Variants in CGNL1 observed in about 807,000 individuals in gnomAD.
The protein encoded by CGNL1 is cingulin-like protein 1.
In CGNL1, 132 loss-of-function variants were observed where a neutral mutation model predicts 141.2. The ratio of observed to expected loss-of-function variants is 0.93; its 90% CI spans 0.81 to 1.08. CGNL1 has a LOEUF of 1.08. Among genes scored for constraint, CGNL1 ranks in the 50% least tolerant of loss-of-function variants. The pLI, the probability that CGNL1 is intolerant of heterozygous loss-of-function variation, is 0.00. For synonymous variants in CGNL1, 690 were observed against 622.1 expected, an observed-to-expected ratio of 1.11 and a Z score of -1.63; for missense variants, 1,870 against 1,588.6, an observed-to-expected ratio of 1.18 and a Z score of -3.01.
chr15:57,450,272 G>A (rs55928694), intron 4 of CGNL1, among the ~76,000 whole-genome samples: 33,880 of 151,948 alleles, frequency 0.22, 3,855 homozygotes, highest in Middle Eastern at 0.26. Context: ...TTGGTATCTC[G>A]TTGGTTTGTC....
At position 57,445,791 on chromosome 15, in the gene CGNL1, G is replaced by A. The variant is rs74016203; in HGVS notation, c.1803+3313G>A. On this transcript the variant is annotated intron_variant, in intron 4 of 18. Transcript: ENST00000281282. ...TTTTATTTCTTCCCCTCAGCTATTT[G>A]TAGTTTTCTAACCACTTTACTGTAG... is the stretch of plus-strand genomic sequence containing the variant. 3.2e-3 allele frequency among the ~76,000 whole-genome samples: 487 copies of A among 152,100 alleles called. 3 individuals carry two copies. Among genetic ancestry groups the A allele is most frequent in the African/African-American group, 0.011 (466 of 41,488 alleles).
chr15:57,547,614 G>A lies in CGNL1; in HGVS notation c.*124G>A, dbSNP rs995682429. The A allele has an allele frequency of 5.9e-5, 65 of 1,108,904 alleles. No homozygotes were observed. In the African/African-American group the frequency reaches 7.9e-4, roughly 13 times the overall value. 68.7% of individuals were successfully genotyped at this position (1,108,904 alleles called of 1,614,324 possible). A position where few individuals can be genotyped will look rare whatever the true frequency, so the allele number is the denominator to read the frequency against. ...CAATCACAGCCTCTTTGCACAGCAT[G>A]CCAGCTCCTCAGTGTTACATTCCTC... On this transcript the variant is annotated 3_prime_UTR_variant, in exon 19 of 19. Coordinates refer to ENST00000281282, the MANE Select transcript of CGNL1 (RefSeq NM_032866.5).
intron 1 of CGNL1, among the ~76,000 whole-genome samples, chr15:57,417,010 A>G (rs1377534411): frequency 6.6e-6 from 1 of 152,064 alleles, no homozygotes; most frequent in Non-Finnish European, 1.5e-5. Context: ...TATCTGGGTG[A>G]CCCTGGGCAA....
chr15:57,524,022 T>A (rs2031446771), intron 11 of CGNL1, among the ~76,000 whole-genome samples: 1 of 152,190 alleles, frequency 6.6e-6, no homozygotes, highest in Admixed American at 6.5e-5. Flanking sequence ...CAGTAGCTGC[T>A]GCTCTTTCTC....
intron 7 of CGNL1, among the ~76,000 whole-genome samples, chr15:57,458,120 G>A (rs2063401680): frequency 1.3e-5 from 2 of 152,154 alleles, no homozygotes; most frequent in Admixed American, 6.5e-5. Context: ...TGTTAGAAAT[G>A]CTCAGCACAG....
intron 3 of CGNL1, 117 bp from the exon 4 acceptor site, chr15:57,442,256 C>A: frequency 1.0e-5 from 4 of 385,716 alleles, no homozygotes; most frequent in Non-Finnish European, 1.4e-5. Flanking sequence ...TTAATTAATT[C>A]ACAGCTCCTG....
At chr15:57,462,692 C>G (rs769940002) in intron 8 of CGNL1, among the ~76,000 whole-genome samples, 5 of 152,284 alleles carry the variant, frequency 3.3e-5, no homozygotes, top group East Asian at 1.9e-4. Context: ...TTAGTAGGCC[C>G]TCTCTCCCCT....
intron 8 of CGNL1, among the ~76,000 whole-genome samples, chr15:57,492,007 T>C (rs1386694744): frequency 1.3e-5 from 2 of 152,194 alleles, no homozygotes; most frequent in Non-Finnish European, 2.9e-5. Flanking sequence ...TGTGGTATCC[T>C]GAATGGGATC....
intron 8 of CGNL1, among the ~76,000 whole-genome samples, chr15:57,481,779 A>G (rs564040476): frequency 2.1e-4 from 32 of 152,306 alleles, no homozygotes; most frequent in African/African-American, 7.5e-4. Flanking sequence ...ATAAATATCT[A>G]GGAGTGCAAT....
Position 57,393,360 on chromosome 15 carries a change from T to C in CGNL1, c.-16+16793T>C, listed in dbSNP as rs2062563999. On this transcript the variant is annotated intron_variant, in intron 1 of 18. Coordinates refer to ENST00000281282, the MANE Select transcript of CGNL1 (RefSeq NM_032866.5). ...ATGAAAAGCTTTCAGTGTTCACAAT[T>C]GGAGGAAAATGTAAAAGCTTAGTAG... Among the ~76,000 whole-genome samples the C allele has an allele frequency of 2.0e-5, 3 of 152,308 alleles. No individual in the cohort carries two copies. In the South Asian group the frequency reaches 6.2e-4, roughly 32 times the overall value.
Position 57,439,053 on chromosome 15 carries a change from G to A in CGNL1, c.1054G>A (p.Gly352Ser), listed in dbSNP as rs931001907. 2 of 1,614,160 alleles carry A rather than the reference G, an allele frequency of 1.2e-6. No individual in the cohort carries two copies. The highest frequency in any genetic ancestry group is 1.7e-5 in the Admixed American group (1 of 60,026). Residue 352 changes from glycine (G) to serine (S), a missense_variant, in exon 2 of 19, where the codon GGT (glycine) becomes AGT (serine). Coordinates refer to ENST00000281282, the MANE Select transcript of CGNL1 (RefSeq NM_032866.5). ...GGATATTGATACAGGATCAATTCCT[G>A]GTGTGGATCAGTTAATTGAAAAATT... ...GRDIDTGSIPGVDQLIEKFDQ... is the reference protein window; with the variant it reads ...GRDIDTGSIPSVDQLIEKFDQ...
intron 12 of CGNL1, 49 bp from the exon 13 acceptor site, chr15:57,528,605 A>C: frequency 1.2e-6 from 2 of 1,600,136 alleles, no homozygotes; most frequent in Non-Finnish European, 1.7e-6. Context: ...GGAGGTCTCT[A>C]TGCTCTTGAT....
intron 8 of CGNL1, among the ~76,000 whole-genome samples, chr15:57,479,670 C>G (rs2063701260): frequency 6.6e-6 from 1 of 151,766 alleles, no homozygotes; most frequent in South Asian, 2.1e-4. Flanking sequence ...TCTCAAGAAA[C>G]AAAAAACAAA....
chr15:57,547,527 G>A lies in CGNL1; in HGVS notation c.*37G>A, dbSNP rs754179148. The A allele has an allele frequency of 1.3e-6, 2 of 1,597,858 alleles. No individual in the cohort carries two copies. Among genetic ancestry groups the A allele is most frequent in the African/African-American group, 1.3e-5 (1 of 74,470 alleles). ...GGCTGTGGAAGTACCTGTCATTCCT[G>A]CAGGAGCTGCAGCCACCCAAAGTGG... On this transcript the variant is annotated 3_prime_UTR_variant, in exon 19 of 19. Coordinates refer to ENST00000281282, the MANE Select transcript of CGNL1 (RefSeq NM_032866.5).
At chr15:57,400,887 TA>T (rs35735890) in intron 1 of CGNL1, among the ~76,000 whole-genome samples, 36,297 of 78,176 alleles carry the variant, frequency 0.46, 5,843 homozygotes, top group East Asian at 0.6. Flanking sequence ...TGTCTCAAAT[TA>T]AAAAAAAAAA....
intron 1 of CGNL1, among the ~76,000 whole-genome samples, chr15:57,435,161 G>A (rs2063090515): frequency 6.6e-6 from 1 of 152,074 alleles, no homozygotes; most frequent in Non-Finnish European, 1.5e-5. Context: ...CGCTAGAAAA[G>A]TAAAAATTTT....
intron 1 of CGNL1, among the ~76,000 whole-genome samples, chr15:57,414,188 T>C (rs1252831621): frequency 1.3e-5 from 2 of 152,278 alleles, no homozygotes; most frequent in Admixed American, 6.5e-5. Flanking sequence ...GCAGGTTCCC[T>C]TTGCTAAGGG....
chr15:57,470,790 T>C (rs532988789), intron 8 of CGNL1, among the ~76,000 whole-genome samples: 2 of 152,248 alleles, frequency 1.3e-5, no homozygotes, highest in South Asian at 2.1e-4. Flanking sequence ...GACAAAGTTA[T>C]GGTTGCTGTG....
Position 57,424,062 on chromosome 15 carries a change from T to C in CGNL1, c.-15-13923T>C, listed in dbSNP as rs2062946814. 3.3e-5 allele frequency among the ~76,000 whole-genome samples: 5 copies of C among 152,306 alleles called. No individual in the cohort carries two copies. In the South Asian group the frequency reaches 6.2e-4, roughly 19 times the overall value. On this transcript the variant is annotated intron_variant, in intron 1 of 18. Coordinates refer to ENST00000281282, the MANE Select transcript of CGNL1 (RefSeq NM_032866.5). The stretch of plus-strand genomic sequence containing the variant: ...CCACTTGGGTCAAAACCCAGAGTTA[T>C]ATTCAGGCCCACGACACCCTGTGGG...
Sources: gnomAD v4.1 joint callset for allele counts (sites outside exome capture counted in the v4.1 genomes callset) on GRCh38, gnomAD v4.1.1 for gene constraint, MANE v1.5 for transcripts, NCBI Gene and HGNC (gene_info 2026-07-23, HGNC 2026-07-21) for gene names.